Variants in ADAMTSL1 observed in about 807,000 individuals in gnomAD.
The protein encoded by ADAMTSL1 is ADAMTS like 1.
In ADAMTSL1, 126 loss-of-function variants were observed where a neutral mutation model predicts 201.8. The observed-to-expected ratio is 0.62, with a 90% CI of 0.54 to 0.72. The LOEUF is 0.72. ADAMTSL1 is among the 30% of genes least tolerant of loss of function. The pLI is 0.00. For synonymous variants in ADAMTSL1, 1,121 were observed against 903.4 expected, an observed-to-expected ratio of 1.24 and a Z score of -4.32; for missense variants, 2,679 against 2,277.8, an observed-to-expected ratio of 1.18 and a Z score of -3.59.
intron 20 of ADAMTSL1, among the ~76,000 whole-genome samples, chr9:18,802,019 G>A (rs920673871): frequency 1.3e-5 from 2 of 152,126 alleles, no homozygotes; most frequent in African/African-American, 4.8e-5. Context: ...ACTCATGCCT[G>A]TAATCCCAGC....
At chr9:18,320,206 G>C (rs1388101872) in intron 2 of ADAMTSL1, among the ~76,000 whole-genome samples, 1 of 152,204 alleles carries the variant, frequency 6.6e-6, no homozygotes, top group Non-Finnish European at 1.5e-5. Context: ...CACCATGTGA[G>C]TTGCTAAGAA....
rs780971828 is a variant in ADAMTSL1, at chr9:18,775,872, C to A, written c.2527C>A (p.Pro843Thr). Residue 843 changes from proline to threonine, a missense_variant, in exon 18 of 29, where the codon CCC (proline) becomes ACC (threonine). Coordinates refer to ENST00000380548, the MANE Select transcript of ADAMTSL1 (RefSeq NM_001040272.6). Reference sequence around the variant, plus strand: ...CCTGCCTTTCTCTTCCTCCATCAGGCCCTGTATGCTGGCAACCTGTGCAAG... The same window carrying A: ...CCTGCCTTTCTCTTCCTCCATCAGGACCTGTATGCTGGCAACCTGTGCAAG... ...PPLPFSSSIR[P>T]CMLATCARPG... 1 of 1,600,006 alleles carries A rather than the reference C, an allele frequency of 6.2e-7. No individual in the cohort carries two copies. The highest frequency in any genetic ancestry group is 1.1e-5 in the South Asian group (1 of 88,264).
intron 1 of ADAMTSL1, among the ~76,000 whole-genome samples, chr9:17,972,323 G>C (rs74776804): frequency 3.0e-5 from 2 of 67,358 alleles, no homozygotes; most frequent in Non-Finnish European, 5.6e-5. Context: ...CTCCCCCCAA[G>C]CTACAACAGT....
chr9:18,126,857 G>T (rs1201111176), intron 1 of ADAMTSL1, among the ~76,000 whole-genome samples: 2 of 152,124 alleles, frequency 1.3e-5, no homozygotes, highest in African/African-American at 4.8e-5. Context: ...TGAAAACCCA[G>T]ATTGCAACAA....
chr9:18,877,045 T>C (rs1300635289), intron 23 of ADAMTSL1, among the ~76,000 whole-genome samples: 7 of 152,228 alleles, frequency 4.6e-5, no homozygotes, highest in Non-Finnish European at 1.0e-4. Context: ...GTTGAGACTT[T>C]CCTGTGTATT....
chr9:18,643,729 T>C (rs1456615927), intron 7 of ADAMTSL1, among the ~76,000 whole-genome samples: 8 of 152,080 alleles, frequency 5.3e-5, no homozygotes, highest in East Asian at 1.9e-4. Flanking sequence ...TTCTCTTTCA[T>C]TGGTCTATGT....
intron 2 of ADAMTSL1, among the ~76,000 whole-genome samples, chr9:18,297,277 G>A (rs533971686): frequency 5.6e-4 from 86 of 152,222 alleles, no homozygotes; most frequent in African/African-American, 1.9e-3. Context: ...GTTTTTGTTA[G>A]GAGGAACTGG....
chr9:18,474,719 A>C (rs975195438), intron 1 of ADAMTSL1, among the ~76,000 whole-genome samples: 1 of 152,146 alleles, frequency 6.6e-6, no homozygotes, highest in Non-Finnish European at 1.5e-5. Context: ...CCTTTAATGA[A>C]TTACTTTCCA....
At chr9:18,813,646 AG>A (rs1381617352) in intron 20 of ADAMTSL1, among the ~76,000 whole-genome samples, 1 of 152,188 alleles carries the variant, frequency 6.6e-6, no homozygotes, top group Non-Finnish European at 1.5e-5. Flanking sequence ...AAAACACTAC[AG>A]ATTTTTGTTT....
At chr9:18,136,288 G>A (rs760752250) in intron 1 of ADAMTSL1, among the ~76,000 whole-genome samples, 19 of 152,098 alleles carry the variant, frequency 1.2e-4, no homozygotes, top group African/African-American at 4.3e-4. Context: ...TTTCATAATT[G>A]CTCCCAGATG....
chr9:17,943,727 C>G (rs771066400), intron 1 of ADAMTSL1, among the ~76,000 whole-genome samples: 2 of 152,056 alleles, frequency 1.3e-5, no homozygotes, highest in Non-Finnish European at 2.9e-5. Flanking sequence ...CTATTAGTAT[C>G]TGTATTAGGC....
At chr9:18,408,574 C>T (rs1477282646) in intron 2 of ADAMTSL1, among the ~76,000 whole-genome samples, 1 of 152,172 alleles carries the variant, frequency 6.6e-6, no homozygotes, top group Non-Finnish European at 1.5e-5. Context: ...CAAGTGCGTT[C>T]CCTGCTCTTC....
At chr9:18,701,096 T>C (rs1268756954) in intron 13 of ADAMTSL1, among the ~76,000 whole-genome samples, 1 of 152,166 alleles carries the variant, frequency 6.6e-6, no homozygotes, top group East Asian at 1.9e-4. Context: ...GCACTATCAA[T>C]TTCTTGCCAC....
chr9:18,573,052 G>A (rs1822441771), intron 3 of ADAMTSL1, among the ~76,000 whole-genome samples: 1 of 152,152 alleles, frequency 6.6e-6, no homozygotes, highest in African/African-American at 2.4e-5. Context: ...TTAGATAATG[G>A]CCATTGTTAG....
At chr9:17,985,613 T>A (rs1818893346) in intron 1 of ADAMTSL1, among the ~76,000 whole-genome samples, 3 of 152,114 alleles carry the variant, frequency 2.0e-5, no homozygotes, top group Admixed American at 2.0e-4. Context: ...TTTAAGTGGA[T>A]GCAATTTAGT....
rs200175553 is a variant in ADAMTSL1, at chr9:18,225,514, C to G, written c.207+61533C>G. ...ATTTTTTAGATATATTTGTTAAAAT[C>G]CTTCTACTAGGCAATACGTTATTAA... On this transcript the variant is annotated intron_variant, in intron 2 of 29. Transcript: ENST00000680146. 1.9e-4 allele frequency among the ~76,000 whole-genome samples: 29 copies of G among 152,196 alleles called. No homozygotes were observed. The East Asian group carries it at 3.5e-3, about 18-fold the overall frequency.
chr9:18,607,652 G>T (rs1395033404), intron 4 of ADAMTSL1, among the ~76,000 whole-genome samples: 6 of 151,812 alleles, frequency 4.0e-5, no homozygotes, highest in Admixed American at 3.9e-4. Flanking sequence ...ATGTATACAC[G>T]TGCCATGTTG....
intron 2 of ADAMTSL1, among the ~76,000 whole-genome samples, chr9:18,419,828 C>A (rs1818860238): frequency 1.3e-5 from 2 of 149,290 alleles, no homozygotes; most frequent in African/African-American, 4.9e-5. Flanking sequence ...CTCCCAGGTT[C>A]AAGCTATTCT....
chr9:17,974,506 C>A (rs1225679577), intron 1 of ADAMTSL1, among the ~76,000 whole-genome samples: 1 of 151,928 alleles, frequency 6.6e-6, no homozygotes, highest in Non-Finnish European at 1.5e-5. Context: ...TACCTTTTGA[C>A]CAACATCTCC....
Sources: gnomAD v4.1 joint callset for allele counts (sites outside exome capture counted in the v4.1 genomes callset) on GRCh38, gnomAD v4.1.1 for gene constraint, MANE v1.5 for transcripts, NCBI Gene and HGNC (gene_info 2026-07-23, HGNC 2026-07-21) for gene names.